Variants in CHPT1 observed in about 807,000 individuals in gnomAD.
The protein encoded by CHPT1 is choline phosphotransferase 1.
A neutral mutation model predicts 47.6 loss-of-function variants in CHPT1; 36 were observed. The observed-to-expected ratio is 0.76, with a 90% CI of 0.58 to 1.00. CHPT1 has a LOEUF of 1.00. Among genes scored for constraint, CHPT1 ranks in the 50% least tolerant of loss-of-function variants. The probability of loss-of-function intolerance (pLI) is 0.00; values close to 1 mark genes in which losing one functional copy is unlikely to be tolerated. For missense variants in CHPT1, 458 were observed against 498.1 expected, an observed-to-expected ratio of 0.92 and a Z score of 0.77; for synonymous variants, 194 against 186.3, an observed-to-expected ratio of 1.04 and a Z score of -0.33.
chr12:101,718,544 C>T (rs1951798992), intron 4 of CHPT1, among the ~76,000 whole-genome samples: 1 of 151,900 alleles, frequency 6.6e-6, no homozygotes, highest in African/African-American at 2.4e-5. Flanking sequence ...CCTGTAGTCC[C>T]AGCTACTCAG....
chr12:101,723,830 G>C lies in CHPT1; in HGVS notation c.1048G>C (p.Val350Leu). The C allele has an allele frequency of 6.6e-7, 1 of 1,519,708 alleles. No homozygotes were observed. The highest frequency in any genetic ancestry group is 9.0e-7 in the Non-Finnish European group (1 of 1,105,924). 94.1% of individuals were successfully genotyped at this position (1,519,708 alleles called of 1,614,324 possible). A position where few individuals can be genotyped will look rare whatever the true frequency, so the allele number is the denominator to read the frequency against. ...TAATAACTTTATAGACGAATATGTT[G>C]TTCTATGGATGGCAATGGTAAGTAT... ...YFNNFIDEYV[V>L]LWMAMVISSF... The change falls in exon 7 of 9, where the codon GTT becomes CTT. Residue 350 changes from valine (V) to leucine (L), a missense_variant. Transcript: ENST00000229266.
In CHPT1 at chr12:101,714,220, G is replaced by A. The variant is rs1369068554; in HGVS notation, c.404G>A (p.Cys135Tyr). The A allele has an allele frequency of 6.3e-6, 10 of 1,596,430 alleles. No homozygotes were observed. Among genetic ancestry groups the A allele is most frequent in the Non-Finnish European group, 6.8e-6 (8 of 1,174,568 alleles). ...TTAGGGGAGCTCTTTGACCATGGCT[G>A]TGACTCTCTTTCCACAGGTAAATTA... Reference protein sequence around the residue: ...SPLGELFDHGCDSLSTVFMAV... With the variant: ...SPLGELFDHGYDSLSTVFMAV... Residue 135 changes from cysteine to tyrosine, a missense_variant, in exon 2 of 9, where the codon TGT becomes TAT. Coordinates refer to ENST00000229266, the MANE Select transcript of CHPT1 (RefSeq NM_020244.3).
intron 1 of CHPT1, among the ~76,000 whole-genome samples, chr12:101,700,178 T>C (rs1378096198): frequency 1.3e-5 from 2 of 152,130 alleles, no homozygotes; most frequent in Non-Finnish European, 1.5e-5. Flanking sequence ...TTCAATGTTA[T>C]TATTAATTTA....
chr12:101,720,270 C>T lies in CHPT1; in HGVS notation c.780+16C>T. 1.9e-6 allele frequency: 3 copies of T among 1,577,814 alleles called. No homozygotes were observed. Among genetic ancestry groups the T allele is most frequent in the South Asian group, 1.2e-5 (1 of 83,956 alleles). Reference sequence around the variant, plus strand: ...CACTATAGCAGTAAGGCAATAATTTCATCATTCAGTGTCAATTTTATGATA... The same window carrying T: ...CACTATAGCAGTAAGGCAATAATTTTATCATTCAGTGTCAATTTTATGATA... On this transcript the variant is annotated intron_variant, in intron 5 of 8. Transcript: ENST00000229266.
intron 1 of CHPT1, among the ~76,000 whole-genome samples, chr12:101,700,387 A>G (rs1045859655): frequency 5.3e-5 from 8 of 152,000 alleles, no homozygotes; most frequent in Non-Finnish European, 8.8e-5. Flanking sequence ...GTGCAAAATC[A>G]AATGGCCCAA....
intron 3 of CHPT1, among the ~76,000 whole-genome samples, chr12:101,715,614 T>C (rs1021606605): frequency 1.6e-4 from 24 of 152,148 alleles, no homozygotes; most frequent in African/African-American, 5.1e-4. Context: ...CAGGCAGAGA[T>C]GTAAAGTATG....
chr12:101,708,176 AG>A (rs1012100356), intron 1 of CHPT1, among the ~76,000 whole-genome samples: 7 of 152,200 alleles, frequency 4.6e-5, no homozygotes, highest in Non-Finnish European at 1.0e-4. Flanking sequence ...GAAAGCATTG[AG>A]GAAGTTTTAA....
rs143053220 is a variant in CHPT1, at chr12:101,709,002, A to G, written c.274-5088A>G. ...CTTATGGCTTTATAATTCATAATCC[A>G]AGGGTGGCTTTTTCATCCTTACATT... On this transcript the variant is annotated intron_variant, in intron 1 of 8. Coordinates refer to ENST00000229266, the MANE Select transcript of CHPT1 (RefSeq NM_020244.3). Among the ~76,000 whole-genome samples, 552 of 149,128 alleles carry G rather than the reference A, an allele frequency of 3.7e-3. 30 individuals carry two copies. The highest frequency in any genetic ancestry group is 0.013 in the African/African-American group (528 of 41,292).
chr12:101,707,585 G>C (rs1951650535), intron 1 of CHPT1, among the ~76,000 whole-genome samples: 1 of 152,200 alleles, frequency 6.6e-6, no homozygotes, highest in Non-Finnish European at 1.5e-5. Flanking sequence ...TAATGTTCTA[G>C]AGTACTGGGA....
At chr12:101,722,862 C>T (rs572651632) in intron 5 of CHPT1, among the ~76,000 whole-genome samples, 13 of 152,266 alleles carry the variant, frequency 8.5e-5, no homozygotes, top group African/African-American at 3.1e-4. Context: ...TGGCAATCCA[C>T]ATGTGGACTG....
At chr12:101,712,333 C>G (rs1951709977) in intron 1 of CHPT1, among the ~76,000 whole-genome samples, 1 of 148,552 alleles carries the variant, frequency 6.7e-6, no homozygotes, top group African/African-American at 2.4e-5. Flanking sequence ...TGATTTTCTG[C>G]TTACTACTAG....
chr12:101,723,622 G>T, intron 6 of CHPT1, 100 bp from the exon 7 acceptor site: 2 of 738,096 alleles, frequency 2.7e-6, no homozygotes, highest in Middle Eastern at 3.9e-4. Context: ...AGATTAAATG[G>T]TCTGTTTTAA....
chr12:101,714,367 GA>G, intron 2 of CHPT1, 130 bp downstream of exon 2: 1 of 1,186,700 alleles, frequency 8.4e-7, no homozygotes, highest in Non-Finnish European at 1.2e-6. Flanking sequence ...AGTATGTCAA[GA>G]ATTCATTTTG....
At chr12:101,726,197 T>C in intron 7 of CHPT1, 97 bp from the exon 8 acceptor site, 2 of 784,790 alleles carry the variant, frequency 2.5e-6, no homozygotes, top group Non-Finnish European at 4.1e-6. Context: ...TGAAGAATTT[T>C]AGGTTAAGGT....
At chr12:101,717,255 A>G (rs1003344397) in intron 4 of CHPT1, 1 of 454,590 alleles carries the variant, frequency 2.2e-6, no homozygotes, top group Middle Eastern at 3.3e-4. Flanking sequence ...TCCCATATTA[A>G]GGAATGTTTT....
chr12:101,722,043 A>T (rs1951858827), intron 5 of CHPT1, among the ~76,000 whole-genome samples: 1 of 151,494 alleles, frequency 6.6e-6, no homozygotes. Flanking sequence ...TGGGTGACAG[A>T]GCTAGATTCC....
intron 8 of CHPT1, chr12:101,726,699 G>C (rs540912323): frequency 2.6e-6 from 1 of 390,544 alleles, no homozygotes; most frequent in South Asian, 1.1e-4. Flanking sequence ...GTAATTCTAA[G>C]TAGCAGTTTG....
chr12:101,703,874 G>A (rs533342377), intron 1 of CHPT1, among the ~76,000 whole-genome samples: 2 of 151,900 alleles, frequency 1.3e-5, no homozygotes, highest in East Asian at 1.9e-4. Context: ...TTTAAAAATC[G>A]TAGAATCTCT....
chr12:101,721,705 T>C (rs1951854185), intron 5 of CHPT1, among the ~76,000 whole-genome samples: 1 of 152,184 alleles, frequency 6.6e-6, no homozygotes, highest in Admixed American at 6.5e-5. Flanking sequence ...CATAGAACAA[T>C]AGTTGGAACG....
Sources: allele counts gnomAD v4.1 joint callset (sites outside exome capture counted in the v4.1 genomes callset), GRCh38; gene constraint gnomAD v4.1.1; transcripts MANE v1.5; gene names NCBI Gene and HGNC (gene_info 2026-07-23, HGNC 2026-07-21).